Variants in PDZRN4 observed in about 807,000 individuals in gnomAD.
The protein encoded by PDZRN4 is PDZ domain-containing RING finger protein 4.
In PDZRN4, 70 loss-of-function variants were observed where a neutral mutation model predicts 99.0. The ratio of observed to expected loss-of-function variants is 0.71; its 90% CI spans 0.58 to 0.86. PDZRN4 has a LOEUF of 0.86. Among genes scored for constraint, PDZRN4 ranks in the 40% least tolerant of loss-of-function variants. PDZRN4 has a pLI of 0.00. For synonymous variants in PDZRN4, 551 were observed against 501.6 expected, an observed-to-expected ratio of 1.10 and a Z score of -1.32; for missense variants, 1,474 against 1,331.2, an observed-to-expected ratio of 1.11 and a Z score of -1.67.
chr12:41,503,858 T>G (rs1037853950), intron 3 of PDZRN4, among the ~76,000 whole-genome samples: 2 of 152,214 alleles, frequency 1.3e-5, no homozygotes, highest in Non-Finnish European at 2.9e-5. Flanking sequence ...CCTTCAGATA[T>G]TGGATAAAGT....
intron 3 of PDZRN4, among the ~76,000 whole-genome samples, chr12:41,390,790 C>T (rs1361738562): frequency 6.6e-6 from 1 of 152,022 alleles, no homozygotes; most frequent in Non-Finnish European, 1.5e-5. Context: ...GCAAGTAAAA[C>T]CAAATAACTA....
intron 3 of PDZRN4, among the ~76,000 whole-genome samples, chr12:41,403,443 G>A (rs73128604): frequency 0.053 from 8,049 of 152,210 alleles, 279 homozygotes; most frequent in South Asian, 0.15. Context: ...GGGAACGTGA[G>A]AGATGGGGAA....
intron 3 of PDZRN4, among the ~76,000 whole-genome samples, chr12:41,311,993 T>A (rs1204949231): frequency 6.6e-6 from 1 of 152,196 alleles, no homozygotes; most frequent in Non-Finnish European, 1.5e-5. Flanking sequence ...ATAGTACTTT[T>A]TATAGCTACC....
intron 3 of PDZRN4, among the ~76,000 whole-genome samples, chr12:41,433,464 C>T (rs1016090420): frequency 2.0e-5 from 3 of 152,148 alleles, no homozygotes; most frequent in Non-Finnish European, 2.9e-5. Context: ...TAGGCAGCTA[C>T]GTGTCTACTA....
At chr12:41,477,000 A>G (rs1003654209) in intron 3 of PDZRN4, among the ~76,000 whole-genome samples, 2 of 152,222 alleles carry the variant, frequency 1.3e-5, no homozygotes, top group African/African-American at 4.8e-5. Flanking sequence ...ATCTGAATAT[A>G]CAAAAGTCAT....
rs1428768085 is a variant in PDZRN4, at chr12:41,195,014, C to CT, written c.843+833dup. 2.6e-5 allele frequency among the ~76,000 whole-genome samples: 4 copies of CT among 152,026 alleles called. No individual in the cohort carries two copies. In the South Asian group the frequency reaches 6.2e-4, roughly 24 times the overall value. ...TTATATGAAAGAAAAAGAGAAATAC[C>CT]TTTTTTTCTCTTTGTTGTGAAAACC... On this transcript the variant is annotated intron_variant, in intron 3 of 9. Transcript: ENST00000402685.
intron 3 of PDZRN4, among the ~76,000 whole-genome samples, chr12:41,501,918 A>G (rs1938118189): frequency 6.6e-6 from 1 of 152,128 alleles, no homozygotes. Flanking sequence ...TCATTTGAAT[A>G]TATACCTTAT....
intron 3 of PDZRN4, among the ~76,000 whole-genome samples, chr12:41,499,814 T>C (rs1938079585): frequency 6.6e-6 from 1 of 152,082 alleles, no homozygotes; most frequent in South Asian, 2.1e-4. Flanking sequence ...AGAAGCAACA[T>C]ACTGGACTAT....
At position 41,572,544 on chromosome 12, in the gene PDZRN4, G is replaced by A; in HGVS notation, c.1765G>A (p.Gly589Arg). ...STSLKSKRDL[G>R]QSQDTLGSVE... ...ATCTTTGAAGAGCAAGAGAGACCTG[G>A]GGCAGAGCCAAGACACTCTGGGAAG... Residue 589 changes from glycine (G) to arginine (R), a missense_variant, in exon 10 of 10, where the codon GGG (glycine) becomes AGG (arginine). Physicochemically the swap from Gly to Arg is moderately radical, Grantham distance 125. Transcript: ENST00000402685. 5.0e-6 allele frequency: 8 copies of A among 1,614,066 alleles called. No homozygotes were observed. The highest frequency in any genetic ancestry group is 6.8e-6 in the Non-Finnish European group (8 of 1,180,010).
rs372736876 is a variant in PDZRN4, at chr12:41,573,237, G to A, written c.2458G>A (p.Glu820Lys). 6.8e-6 allele frequency: 11 copies of A among 1,614,002 alleles called. No individual in the cohort carries two copies. The highest frequency in any genetic ancestry group is 8.5e-6 in the Non-Finnish European group (10 of 1,180,040). The change falls in exon 10 of 10, where the codon GAG (glutamate) becomes AAG (lysine). Residue 820 changes from glutamate to lysine, a missense_variant. Physicochemically the swap from Glu to Lys is moderately conservative, Grantham distance 56. Coordinates refer to ENST00000402685, the MANE Select transcript of PDZRN4 (RefSeq NM_001164595.2). ...VLEGSKLPDQ[E>K]KAVSEHIPYL... ...AGAAGGCAGCAAGCTTCCTGATCAA[G>A]AGAAGGCAGTCAGCGAACACATCCC... is the stretch of plus-strand genomic sequence containing the variant.
chr12:41,262,231 T>C (rs1384665777), intron 3 of PDZRN4, among the ~76,000 whole-genome samples: 1 of 152,202 alleles, frequency 6.6e-6, no homozygotes, highest in East Asian at 1.9e-4. Flanking sequence ...ACATTCATTA[T>C]AGTTTTGCCT....
chr12:41,435,743 G>T (rs1200635706), intron 3 of PDZRN4, among the ~76,000 whole-genome samples: 1 of 151,956 alleles, frequency 6.6e-6, no homozygotes. Flanking sequence ...AGCCAAAATG[G>T]CACCACTGCA....
chr12:41,342,229 T>G (rs1160531442), intron 3 of PDZRN4, among the ~76,000 whole-genome samples: 3 of 151,832 alleles, frequency 2.0e-5, no homozygotes, highest in East Asian at 1.9e-4. Context: ...AAATATAAAC[T>G]GCCAAACTAT....
intron 3 of PDZRN4, among the ~76,000 whole-genome samples, chr12:41,485,321 C>G (rs1206967580): frequency 2.0e-5 from 3 of 152,148 alleles, no homozygotes; most frequent in African/African-American, 7.2e-5. Context: ...AAGTCAGACA[C>G]TGTGTACCCC....
At chr12:41,299,519 C>A (rs1269673140) in intron 3 of PDZRN4, among the ~76,000 whole-genome samples, 1 of 151,910 alleles carries the variant, frequency 6.6e-6, no homozygotes, top group Non-Finnish European at 1.5e-5. Flanking sequence ...TTTATAATCC[C>A]CTGTTTTTTT....
chr12:41,352,130 T>C (rs1951894863), intron 3 of PDZRN4, among the ~76,000 whole-genome samples: 1 of 152,128 alleles, frequency 6.6e-6, no homozygotes, highest in South Asian at 2.1e-4. Flanking sequence ...TGTAAGATAC[T>C]TTCTGACAAG....
chr12:41,339,819 A>G (rs1951803648), intron 3 of PDZRN4, among the ~76,000 whole-genome samples: 1 of 152,136 alleles, frequency 6.6e-6, no homozygotes, highest in South Asian at 2.1e-4. Context: ...TGTATATGAA[A>G]AGAAGATCAA....
intron 3 of PDZRN4, among the ~76,000 whole-genome samples, chr12:41,339,958 T>C (rs1320747568): frequency 6.6e-6 from 1 of 152,070 alleles, no homozygotes; most frequent in African/African-American, 2.4e-5. Context: ...AGAGGAACTT[T>C]TGTGCACTGT....
Position 41,563,669 on chromosome 12 carries a change from GC to G in PDZRN4, c.1467+22del. On this transcript the variant is annotated intron_variant, in intron 8 of 9. Coordinates refer to ENST00000402685, the MANE Select transcript of PDZRN4 (RefSeq NM_001164595.2). ...ATTCAGGTCAGAACAGAGATCAAAAGCCTTGAGACTGAACTTTATATTCATT... is the reference window on the plus strand; with the variant it reads ...ATTCAGGTCAGAACAGAGATCAAAAGCTTGAGACTGAACTTTATATTCATT... 2 of 1,515,968 alleles carry G rather than the reference GC, an allele frequency of 1.3e-6. No individual in the cohort carries two copies. Among genetic ancestry groups the G allele is most frequent in the Non-Finnish European group, 1.8e-6 (2 of 1,095,028 alleles). The allele number at this position is 1,515,968 out of a possible 1,614,324, so 93.9% of individuals were successfully genotyped here.
Sources: gnomAD v4.1 joint callset for allele counts (sites outside exome capture counted in the v4.1 genomes callset) on GRCh38, gnomAD v4.1.1 for gene constraint, MANE v1.5 for transcripts, NCBI Gene and HGNC (gene_info 2026-07-23, HGNC 2026-07-21) for gene names.